The following AKAP12 variants were observed in gnomAD, a reference collection of about 807,000 sequenced individuals.
AKAP12 encodes the protein A-kinase anchor protein 12.
Under a neutral mutation model 79.9 loss-of-function variants are expected in AKAP12, and 32 were observed. That is an observed-to-expected ratio of 0.40 (90% CI 0.30 to 0.54). AKAP12 has a LOEUF of 0.54. Among genes scored for constraint, AKAP12 ranks in the 20% least tolerant of loss-of-function variants. The probability of loss-of-function intolerance (pLI) is 0.48; values close to 1 mark genes in which losing one functional copy is unlikely to be tolerated. For synonymous variants in AKAP12, 808 were observed against 857.0 expected (o/e 0.94, Z 1.00); for missense variants, 2,074 against 2,177.0 (o/e 0.95, Z 0.94).
intron 3 of AKAP12, among the ~76,000 whole-genome samples, chr6:151,347,806 G>A (rs1469986778): frequency 1.3e-5 from 2 of 152,128 alleles, no homozygotes; most frequent in African/African-American, 2.4e-5. Flanking sequence ...GGAGGCCGAG[G>A]TGGGTGGATC....
At chr6:151,287,216 G>C (rs1352323572) in intron 2 of AKAP12, among the ~76,000 whole-genome samples, 1 of 152,080 alleles carries the variant, frequency 6.6e-6, no homozygotes, top group East Asian at 1.9e-4. Flanking sequence ...TGGGATTACA[G>C]GTGTGAACCA....
chr6:151,296,482 T>TA (rs1163803638), intron 2 of AKAP12, among the ~76,000 whole-genome samples: 13 of 152,256 alleles, frequency 8.5e-5, no homozygotes, highest in Middle Eastern at 3.4e-3. Context: ...TTGAGATAAT[T>TA]AAAAATCACA....
chr6:151,325,678 T>A, intron 3 of AKAP12: 1 of 1,429,256 alleles, frequency 7.0e-7, no homozygotes, highest in Non-Finnish European at 9.1e-7. Context: ...CGCGCTCTGC[T>A]TTTCGCTGCG....
intron 2 of AKAP12, among the ~76,000 whole-genome samples, chr6:151,260,535 A>C (rs1255771988): frequency 6.6e-6 from 1 of 152,240 alleles, no homozygotes; most frequent in Non-Finnish European, 1.5e-5. Flanking sequence ...ATCTGCTGTC[A>C]AGTAAATGGT....
intron 2 of AKAP12, among the ~76,000 whole-genome samples, chr6:151,253,961 G>A (rs1797241331): frequency 6.6e-6 from 1 of 152,030 alleles, no homozygotes. Context: ...TGCCTCCCTG[G>A]GCCTCCCAAA....
At chr6:151,250,448 C>T (rs557786814) in intron 2 of AKAP12, among the ~76,000 whole-genome samples, 9 of 150,860 alleles carry the variant, frequency 6.0e-5, no homozygotes, top group Admixed American at 2.6e-4. Context: ...GCAGTGAAGC[C>T]GAGATTGCAC....
chr6:151,324,610 A>G (rs1300787823), intron 3 of AKAP12: 2 of 985,314 alleles, frequency 2.0e-6, no homozygotes, highest in South Asian at 4.7e-5. Flanking sequence ...GAGAAGTGCA[A>G]TAGTAAAACT....
At chr6:151,265,408 C>A (rs2114704295) in intron 2 of AKAP12, among the ~76,000 whole-genome samples, 1 of 152,246 alleles carries the variant, frequency 6.6e-6, no homozygotes. Flanking sequence ...AAAACTTTTC[C>A]TTTGCAGGAA....
chr6:151,298,795 C>CA (rs200356147), intron 2 of AKAP12: 40,841 of 130,750 alleles, frequency 0.31, 5,942 homozygotes, highest in East Asian at 0.45. Flanking sequence ...GACTCCATCT[C>CA]AAAAAAAAAA....
chr6:151,280,038 GTTT>G (rs67349756), intron 2 of AKAP12, among the ~76,000 whole-genome samples: 1 of 145,810 alleles, frequency 6.9e-6, no homozygotes, highest in Admixed American at 6.9e-5. Flanking sequence ...TTCGGTTGTT[GTTT>G]TTTTTTTTTA....
chr6:151,268,371 C>T (rs1201857520), intron 2 of AKAP12, among the ~76,000 whole-genome samples: 4 of 152,140 alleles, frequency 2.6e-5, no homozygotes, highest in Admixed American at 6.5e-5. Context: ...GAGCTGAGAT[C>T]ACGCCATTGC....
chr6:151,265,215 T>G (rs1218374931), intron 2 of AKAP12, among the ~76,000 whole-genome samples: 1 of 65,212 alleles, frequency 1.5e-5, no homozygotes, highest in East Asian at 2.5e-3. Flanking sequence ...ATCAAGCCTC[T>G]TTTTTTTTTT....
chr6:151,345,895 A>G (rs55998541), intron 3 of AKAP12, among the ~76,000 whole-genome samples: 6,507 of 128,918 alleles, frequency 0.05, 266 homozygotes, highest in East Asian at 0.15. Flanking sequence ...GTGTGTGTAT[A>G]TGTGTGTGTG....
At chr6:151,254,803 T>C (rs1009048666) in intron 2 of AKAP12, among the ~76,000 whole-genome samples, 1 of 152,218 alleles carries the variant, frequency 6.6e-6, no homozygotes, top group Non-Finnish European at 1.5e-5. Flanking sequence ...CAATTTTATC[T>C]TGAATCGCAA....
chr6:151,268,452 G>A (rs1776101090), intron 2 of AKAP12, among the ~76,000 whole-genome samples: 1 of 152,208 alleles, frequency 6.6e-6, no homozygotes, highest in African/African-American at 2.4e-5. Context: ...GTGACTATAT[G>A]TTCTCAAATA....
intron 2 of AKAP12, among the ~76,000 whole-genome samples, chr6:151,294,746 C>T (rs1020382654): frequency 2.6e-5 from 4 of 152,140 alleles, no homozygotes; most frequent in South Asian, 2.1e-4. Context: ...ACATACTTTC[C>T]CAGAGAACTC....
chr6:151,354,243 A>C (rs1778382172), intron 4 of AKAP12, among the ~76,000 whole-genome samples: 1 of 151,394 alleles, frequency 6.6e-6, no homozygotes, highest in Non-Finnish European at 1.5e-5. Context: ...TTTCAGAAAA[A>C]ATGGATTTTT....
intron 3 of AKAP12, 115 bp from the exon 4 acceptor site, chr6:151,348,596 A>T: frequency 1.3e-6 from 1 of 764,820 alleles, no homozygotes; most frequent in Non-Finnish European, 2.1e-6. Flanking sequence ...CCGAGACCAC[A>T]CCACTGCCCT....
chr6:151,280,330 T>C (rs1364966076), intron 2 of AKAP12, among the ~76,000 whole-genome samples: 2 of 152,020 alleles, frequency 1.3e-5, no homozygotes, highest in African/African-American at 2.4e-5. Context: ...ATATACATAT[T>C]CATTTATGCT....
Sources: gnomAD v4.1 joint callset for allele counts (sites outside exome capture counted in the v4.1 genomes callset) on GRCh38, gnomAD v4.1.1 for gene constraint, MANE v1.5 for transcripts, NCBI Gene and HGNC (gene_info 2026-07-23, HGNC 2026-07-21) for gene names.